ADGRL3: variants seen among roughly 807,000 people sequenced by gnomAD.
The protein encoded by ADGRL3 is calcium-independent alpha-latrotoxin receptor 3.
ADGRL3 carries 62 observed loss-of-function variants against 153.5 expected under a neutral mutation model. The ratio of observed to expected loss-of-function variants is 0.40; its 90% CI spans 0.33 to 0.50. ADGRL3 has a LOEUF of 0.50. Ranked by LOEUF, ADGRL3 falls within the 20% of genes least tolerant of loss-of-function variation. The pLI, the probability that ADGRL3 is intolerant of heterozygous loss-of-function variation, is 0.47. For synonymous variants in ADGRL3, 710 were observed against 672.5 expected (o/e 1.06, Z -0.86); for missense variants, 1,641 against 1,859.4 (o/e 0.88, Z 2.16).
Position 61,482,766 on chromosome 4 carries a change from T to C in ADGRL3, c.-173-14355T>C, listed in dbSNP as rs893619721. Among the ~76,000 whole-genome samples, 3 of 152,178 alleles carry C rather than the reference T, an allele frequency of 2.0e-5. No homozygotes were observed. In the East Asian group the frequency reaches 5.8e-4, roughly 29 times the overall value. ...TAAAAGTTTTCTACAGGCTTTTATATTTAAAAGTAGTCTTTGTCAAAATAG... is the reference window on the plus strand; with the variant it reads ...TAAAAGTTTTCTACAGGCTTTTATACTTAAAAGTAGTCTTTGTCAAAATAG... On this transcript the variant is annotated intron_variant, in intron 2 of 26. Transcript: ENST00000683033.
intron 8 of ADGRL3, among the ~76,000 whole-genome samples, chr4:61,736,096 A>G (rs1400896417): frequency 6.6e-6 from 1 of 152,078 alleles, no homozygotes; most frequent in Admixed American, 6.5e-5. Flanking sequence ...TATGTGTATT[A>G]GTATACATAT....
chr4:61,575,421 G>C (rs745632547), intron 4 of ADGRL3, among the ~76,000 whole-genome samples: 3 of 151,970 alleles, frequency 2.0e-5, no homozygotes, highest in Non-Finnish European at 2.9e-5. Flanking sequence ...ACGGAGACAG[G>C]TGACCTATGG....
At chr4:61,552,372 A>G (rs1156691280) in intron 4 of ADGRL3, among the ~76,000 whole-genome samples, 2 of 152,192 alleles carry the variant, frequency 1.3e-5, no homozygotes, top group African/African-American at 2.4e-5. Flanking sequence ...TCACCAAACT[A>G]TATCACTGGG....
intron 6 of ADGRL3, among the ~76,000 whole-genome samples, chr4:61,717,492 C>A (rs748496654): frequency 1.3e-5 from 2 of 151,998 alleles, no homozygotes; most frequent in East Asian, 1.9e-4. Context: ...TGATTTGTGA[C>A]CTTGAGCAAG....
intron 1 of ADGRL3, among the ~76,000 whole-genome samples, chr4:61,215,625 C>G (rs957499079): frequency 7.0e-5 from 10 of 143,520 alleles, no homozygotes; most frequent in Admixed American, 6.8e-4. Context: ...GATCTCGGCT[C>G]CCTGCAAGCT....
intron 5 of ADGRL3, among the ~76,000 whole-genome samples, chr4:61,600,963 C>A (rs902852710): frequency 6.6e-5 from 10 of 152,188 alleles, no homozygotes; most frequent in Admixed American, 3.3e-4. Flanking sequence ...TGCAGTTTAA[C>A]CTTCAAAATC....
intron 2 of ADGRL3, among the ~76,000 whole-genome samples, chr4:61,480,322 GC>G (rs1267162018): frequency 6.6e-6 from 1 of 152,080 alleles, no homozygotes; most frequent in Non-Finnish European, 1.5e-5. Context: ...TTAGCACAAT[GC>G]CATCCAGGTT....
At chr4:61,766,117 G>C (rs2096975691) in intron 8 of ADGRL3, among the ~76,000 whole-genome samples, 1 of 152,040 alleles carries the variant, frequency 6.6e-6, no homozygotes, top group Admixed American at 6.6e-5. Context: ...ATGTCAGGTG[G>C]ATCAGAGAGA....
At chr4:61,428,255 T>C (rs1466543750) in intron 2 of ADGRL3, 1 of 152,560 alleles carries the variant, frequency 6.6e-6, no homozygotes, top group African/African-American at 2.4e-5. Context: ...ATTTATGCAC[T>C]TCATAGACAA....
rs145903778 is a variant in ADGRL3, at chr4:61,529,245, A to G, written c.259+11727A>G. On this transcript the variant is annotated intron_variant, in intron 4 of 26. Transcript: ENST00000683033. ...TCTAAGTACATCTTATGAGTTCTGG[A>G]TATGTTTCCCAAGCTACTTGTCTAT... Among the ~76,000 whole-genome samples, 925 of 152,256 alleles carry G rather than the reference A, an allele frequency of 6.1e-3. 18 individuals carry two copies. Among genetic ancestry groups the G allele is most frequent in the Admixed American group, 0.032 (482 of 15,286 alleles).
chr4:61,465,724 C>T (rs2097870874), intron 2 of ADGRL3, among the ~76,000 whole-genome samples: 1 of 140,254 alleles, frequency 7.1e-6, no homozygotes, highest in African/African-American at 2.6e-5. Flanking sequence ...ATCTTGGATA[C>T]TTGGACTGAC....
Position 61,868,630 on chromosome 4 carries a change from T to C in ADGRL3, c.1481-24026T>C, listed in dbSNP as rs957457667. Among the ~76,000 whole-genome samples, 3 of 152,340 alleles carry C rather than the reference T, an allele frequency of 2.0e-5. No individual in the cohort carries two copies. In the East Asian group the frequency reaches 5.8e-4, roughly 29 times the overall value. On this transcript the variant is annotated intron_variant, in intron 9 of 26. Transcript: ENST00000683033. ...TAATAACAACCTCTAAACTTGCCTT[T>C]CTTTTTTTTCTCTTCTATATTCTCC... is the stretch of plus-strand genomic sequence containing the variant.
At chr4:61,578,754 G>A (rs1249414322) in intron 4 of ADGRL3, among the ~76,000 whole-genome samples, 3 of 151,928 alleles carry the variant, frequency 2.0e-5, no homozygotes, top group Non-Finnish European at 4.4e-5. Flanking sequence ...TTCGTCATTC[G>A]AGAAATCTTT....
intron 6 of ADGRL3, among the ~76,000 whole-genome samples, chr4:61,695,137 G>A (rs1187951927): frequency 6.6e-6 from 1 of 152,086 alleles, no homozygotes; most frequent in East Asian, 1.9e-4. Context: ...ATTCTCCCAT[G>A]AATCACAAAT....
At chr4:61,818,278 G>T (rs1227706337) in intron 9 of ADGRL3, among the ~76,000 whole-genome samples, 4 of 152,146 alleles carry the variant, frequency 2.6e-5, no homozygotes, top group African/African-American at 9.7e-5. Flanking sequence ...ATTCAATCGG[G>T]TAGTCATTAA....
At chr4:61,747,331 A>G (rs2096679165) in intron 8 of ADGRL3, among the ~76,000 whole-genome samples, 1 of 151,928 alleles carries the variant, frequency 6.6e-6, no homozygotes, top group Admixed American at 6.5e-5. Flanking sequence ...CAATAGAAAA[A>G]GAGGGAATCC....
intron 8 of ADGRL3, among the ~76,000 whole-genome samples, chr4:61,741,520 T>C (rs1026225068): frequency 2.6e-5 from 4 of 152,242 alleles, no homozygotes; most frequent in Non-Finnish European, 4.4e-5. Flanking sequence ...TGAAGGACAT[T>C]GCTGCTGCTG....
chr4:61,851,440 T>C (rs2098201475), intron 9 of ADGRL3, among the ~76,000 whole-genome samples: 2 of 151,654 alleles, frequency 1.3e-5, no homozygotes, highest in South Asian at 2.1e-4. Context: ...AAATTAAAAA[T>C]CAGCCAGGTG....
chr4:61,474,928 G>C (rs1179680106), intron 2 of ADGRL3, among the ~76,000 whole-genome samples: 1 of 151,998 alleles, frequency 6.6e-6, no homozygotes, highest in Non-Finnish European at 1.5e-5. Context: ...ACTGTCCCAG[G>C]CTTATTAAAT....
Sources: gnomAD v4.1 joint callset for allele counts (sites outside exome capture counted in the v4.1 genomes callset) on GRCh38, gnomAD v4.1.1 for gene constraint, MANE v1.5 for transcripts, NCBI Gene and HGNC (gene_info 2026-07-23, HGNC 2026-07-21) for gene names.